Variants in EHBP1 observed in about 807,000 individuals in gnomAD.
EHBP1 encodes EH domain-binding protein 1.
A neutral mutation model predicts 144.0 loss-of-function variants in EHBP1; 55 were observed. The ratio of observed to expected loss-of-function variants is 0.38; its 90% CI spans 0.31 to 0.48. EHBP1 has a LOEUF of 0.48. EHBP1 is among the 20% of genes least tolerant of loss of function. EHBP1 has a pLI of 0.98. For missense variants in EHBP1, 1,200 were observed against 1,364.2 expected, an observed-to-expected ratio of 0.88 and a Z score of 1.90; for synonymous variants, 469 against 472.7, an observed-to-expected ratio of 0.99 and a Z score of 0.10.
chr2:62,869,197 G>C lies in EHBP1; in HGVS notation c.998+4226G>C, dbSNP rs555528969. On this transcript the variant is annotated intron_variant, in intron 9 of 22. Transcript: ENST00000431489. ...CCACCGGAACTCCACAGAACTCTCA[G>C]AGTACTTCTGAATGGTTCAACCATT... 2.6e-5 allele frequency among the ~76,000 whole-genome samples: 4 copies of C among 152,238 alleles called. No homozygotes were observed. The East Asian group carries it at 7.7e-4, about 29-fold the overall frequency.
rs1186523783 is a variant in EHBP1, at chr2:62,705,720, G to C, written c.-628G>C. 1 of 152,554 alleles carries C rather than the reference G, an allele frequency of 6.6e-6. No individual in the cohort carries two copies. Among genetic ancestry groups the C allele is most frequent in the Non-Finnish European group, 1.5e-5 (1 of 68,410 alleles). The allele number at this position is 152,554 out of a possible 1,614,324, so 9.5% of individuals were successfully genotyped here. On this transcript the variant is annotated 5_prime_UTR_variant, in exon 1 of 23. Transcript: ENST00000431489. ...GCTGCCGTGGGTAGGGTTAGTGTGA[G>C]AGGTGCGGCGGGGGAGGTAATGATG...
chr2:62,966,711 G>A (rs1329429181), intron 14 of EHBP1, among the ~76,000 whole-genome samples: 1 of 151,782 alleles, frequency 6.6e-6, no homozygotes, highest in Admixed American at 6.6e-5. Context: ...TATTTTAATA[G>A]GAACTATCAT....
intron 10 of EHBP1, among the ~76,000 whole-genome samples, chr2:62,918,477 A>C (rs969279139): frequency 6.6e-6 from 1 of 152,094 alleles, no homozygotes; most frequent in Non-Finnish European, 1.5e-5. Context: ...GCTACAGACT[A>C]CTCAAGGCCC....
intron 5 of EHBP1, among the ~76,000 whole-genome samples, chr2:62,795,857 T>A (rs934291429): frequency 1.3e-5 from 2 of 151,966 alleles, no homozygotes; most frequent in African/African-American, 4.8e-5. Flanking sequence ...GAAGAAAAAA[T>A]TTTTGACTTT....
At chr2:62,695,691 A>T (rs1023519434) in intron 1 of EHBP1, among the ~76,000 whole-genome samples, 1 of 152,206 alleles carries the variant, frequency 6.6e-6, no homozygotes, top group African/African-American at 2.4e-5. Flanking sequence ...CTAAAACTAC[A>T]ATTATACACG....
At position 62,993,872 on chromosome 2, in the gene EHBP1, G is replaced by T; in HGVS notation, c.2874G>T (p.Glu958Asp). The change falls in exon 18 of 23, where the codon GAG (glutamate) becomes GAT (aspartate). Residue 958 changes from glutamate (E) to aspartate (D), a missense_variant and splice_region_variant. Physicochemically the swap from Glu to Asp is conservative, Grantham distance 45. Coordinates refer to ENST00000431489, the MANE Select transcript of EHBP1 (RefSeq NM_001142616.3). The stretch of plus-strand genomic sequence containing the variant: ...TGTCTTTCCTCTTTTTTTTTTAAGA[G>T]ATGAAAAGGCAGAGATCAATACAGG... ...SFSQYIENRPEMKRQRSIQED... is the reference protein window; with the variant it reads ...SFSQYIENRPDMKRQRSIQED... 1 of 1,526,722 alleles carries T rather than the reference G, an allele frequency of 6.5e-7. No homozygotes were observed. The highest frequency in any genetic ancestry group is 1.3e-5 in the South Asian group (1 of 75,538). 94.6% of individuals were successfully genotyped at this position (1,526,722 alleles called of 1,614,324 possible).
intron 9 of EHBP1, among the ~76,000 whole-genome samples, 189 bp downstream of exon 9, chr2:62,865,160 G>C (rs1267817711): frequency 6.6e-6 from 1 of 152,198 alleles, no homozygotes; most frequent in Non-Finnish European, 1.5e-5. Context: ...AGGTATGTGT[G>C]TGTGTACCCT....
chr2:62,860,728 A>T (rs2049452871), intron 8 of EHBP1, among the ~76,000 whole-genome samples: 1 of 152,218 alleles, frequency 6.6e-6, no homozygotes, highest in African/African-American at 2.4e-5. Context: ...TGAGACATTC[A>T]GTATTTGAAC....
At chr2:62,950,613 T>G (rs2057321868) in intron 13 of EHBP1, among the ~76,000 whole-genome samples, 1 of 152,158 alleles carries the variant, frequency 6.6e-6, no homozygotes, top group African/African-American at 2.4e-5. Flanking sequence ...AAGCAAGAGT[T>G]TTTTGGGATC....
At chr2:62,892,667 G>A (rs542199883) in intron 10 of EHBP1, among the ~76,000 whole-genome samples, 1 of 152,072 alleles carries the variant, frequency 6.6e-6, no homozygotes, top group South Asian at 2.1e-4. Context: ...TATCCTCATT[G>A]CAGCCCATGC....
intron 14 of EHBP1, 125 bp downstream of exon 14, chr2:62,955,785 C>A: frequency 1.0e-6 from 1 of 996,240 alleles, no homozygotes; most frequent in Non-Finnish European, 1.4e-6. Flanking sequence ...ATACTTGGTG[C>A]ACTTACTGAA....
At chr2:62,810,131 A>G (rs185245266) in intron 5 of EHBP1, among the ~76,000 whole-genome samples, 1 of 152,360 alleles carries the variant, frequency 6.6e-6, no homozygotes, top group Admixed American at 6.5e-5. Flanking sequence ...AAAATATCTC[A>G]AAATATGTAC....
At chr2:62,727,052 G>A (rs554087420) in intron 2 of EHBP1, among the ~76,000 whole-genome samples, 1 of 152,280 alleles carries the variant, frequency 6.6e-6, no homozygotes, top group African/African-American at 2.4e-5. Context: ...TGGTAGACAC[G>A]TGGTTTCACC....
chr2:62,804,428 A>G (rs1034896846), intron 5 of EHBP1, among the ~76,000 whole-genome samples: 3 of 152,214 alleles, frequency 2.0e-5, no homozygotes, highest in African/African-American at 7.2e-5. Flanking sequence ...CCTCACTACA[A>G]AAGGAATTAT....
intron 2 of EHBP1, among the ~76,000 whole-genome samples, chr2:62,715,606 G>A (rs2035597136): frequency 6.6e-6 from 1 of 152,110 alleles, no homozygotes; most frequent in Admixed American, 6.5e-5. Context: ...GGGAATTGAT[G>A]TGTACAACTT....
In EHBP1 at chr2:62,948,874, A is replaced by AC; in HGVS notation, c.2031dup (p.Phe678LeufsTer4). 1 of 1,614,014 alleles carries AC rather than the reference A, an allele frequency of 6.2e-7. No homozygotes were observed. Among genetic ancestry groups the AC allele is most frequent in the Non-Finnish European group, 8.5e-7 (1 of 1,179,954 alleles). Reference sequence around the variant, plus strand: ...GTGATAAGAAGAAGGATATGTCTCCACCCTTTATTTGTGAGGAGACAGATG... The same window carrying AC: ...GTGATAAGAAGAAGGATATGTCTCCACCCCTTTATTTGTGAGGAGACAGATG... On this transcript the variant is annotated frameshift_variant, in exon 13 of 23. Transcript: ENST00000431489. LOFTEE classifies it high-confidence loss of function.
At chr2:62,957,641 C>CTTTTTGTTTTTTTTTTTTT (rs2057769884) in intron 14 of EHBP1, among the ~76,000 whole-genome samples, 14 of 87,174 alleles carry the variant, frequency 1.6e-4, no homozygotes, top group African/African-American at 7.2e-4. Flanking sequence ...AAAATAAATG[C>CTTTTTGTTTTTTTTTTTTT]TTTTTTTTTT....
intron 2 of EHBP1, among the ~76,000 whole-genome samples, chr2:62,715,943 A>G (rs1360478061): frequency 6.6e-6 from 1 of 152,172 alleles, no homozygotes; most frequent in Non-Finnish European, 1.5e-5. Context: ...AATTAACCCT[A>G]TTATCGCTAA....
intron 8 of EHBP1, among the ~76,000 whole-genome samples, chr2:62,860,695 T>G (rs1182843334): frequency 6.6e-6 from 1 of 152,304 alleles, no homozygotes; most frequent in Admixed American, 6.5e-5. Context: ...TATACTGAGT[T>G]CAAAAATATT....
Sources: gnomAD v4.1 joint callset for allele counts (sites outside exome capture counted in the v4.1 genomes callset) on GRCh38, gnomAD v4.1.1 for gene constraint, MANE v1.5 for transcripts, NCBI Gene and HGNC (gene_info 2026-07-23, HGNC 2026-07-21) for gene names.